The following EIF4G3 variants were observed in gnomAD, a reference collection of about 807,000 sequenced individuals.
The protein encoded by EIF4G3 is eIF-4-gamma 3.
In EIF4G3, 34 loss-of-function variants were observed where a neutral mutation model predicts 186.4. The observed-to-expected ratio is 0.18, with a 90% CI of 0.14 to 0.24. The LOEUF (loss-of-function observed/expected upper bound fraction) is 0.24. EIF4G3 is among the 10% of genes least tolerant of loss of function. The pLI is 1.00. For synonymous variants in EIF4G3, 673 were observed against 679.5 expected (o/e 0.99, Z 0.15); for missense variants, 1,536 against 1,948.5 (o/e 0.79, Z 3.99).
intron 12 of EIF4G3, among the ~76,000 whole-genome samples, chr1:20,961,258 C>T (rs376955371): frequency 6.6e-6 from 1 of 151,998 alleles, no homozygotes; most frequent in Non-Finnish European, 1.5e-5. Context: ...TGGTGCATGC[C>T]TGTAATCCCA....
intron 18 of EIF4G3, chr1:20,893,048 G>A (rs921596442): frequency 2.7e-5 from 7 of 257,584 alleles, no homozygotes; most frequent in African/African-American, 1.3e-4. Flanking sequence ...GCTGGGACTA[G>A]GACTATAAGC....
In EIF4G3 at chr1:21,126,218, T is replaced by C. The variant is rs190709853; in HGVS notation, c.-271-37005A>G. 2.7e-3 allele frequency among the ~76,000 whole-genome samples: 358 copies of C among 132,222 alleles called. 1 individual carries two copies. Among genetic ancestry groups the C allele is most frequent in the Non-Finnish European group, 4.8e-3 (296 of 61,664 alleles). 86.7% of individuals were successfully genotyped at this position (132,222 alleles called of 152,430 possible). A position where few individuals can be genotyped will look rare whatever the true frequency, so the allele number is the denominator to read the frequency against. On this transcript the variant is annotated intron_variant, in intron 2 of 36. Coordinates refer to ENST00000602326, the MANE Select transcript of EIF4G3 (RefSeq NM_001391906.1). The stretch of plus-strand genomic sequence containing the variant: ...TGAGACCCTGTCTCAAGAATGTATA[T>C]AAAAATTAAAATTAAAAAAAAAAAA...
chr1:21,158,150 CTCTT>C (rs2097695597), intron 2 of EIF4G3, among the ~76,000 whole-genome samples: 3 of 149,624 alleles, frequency 2.0e-5, no homozygotes, highest in East Asian at 2.0e-4. Flanking sequence ...CCTAAACTCT[CTCTT>C]TAACAAATAC....
At chr1:21,140,906 G>A (rs921180135) in intron 2 of EIF4G3, among the ~76,000 whole-genome samples, 8 of 151,972 alleles carry the variant, frequency 5.3e-5, no homozygotes, top group South Asian at 2.1e-4. Context: ...AAACATCTAA[G>A]GGAAAAATAA....
intron 7 of EIF4G3, among the ~76,000 whole-genome samples, chr1:20,992,282 T>A (rs1366004785): frequency 1.3e-5 from 2 of 152,232 alleles, no homozygotes; most frequent in African/African-American, 4.8e-5. Context: ...TTGTGCCAGG[T>A]CTGGCCCATT....
chr1:20,899,676 G>C, intron 16 of EIF4G3, 21 bp downstream of exon 16: 2 of 1,613,284 alleles, frequency 1.2e-6, no homozygotes. Context: ...GAGGTACATA[G>C]GAAGGCAGGT....
chr1:20,889,188 T>G (rs1422067849), intron 18 of EIF4G3, among the ~76,000 whole-genome samples: 1 of 152,228 alleles, frequency 6.6e-6, no homozygotes, highest in East Asian at 1.9e-4. Flanking sequence ...ATTCCTATCT[T>G]ATTCAGAGAC....
chr1:21,053,378 G>GC (rs1190463186), intron 3 of EIF4G3, among the ~76,000 whole-genome samples: 3 of 148,814 alleles, frequency 2.0e-5, no homozygotes, highest in Admixed American at 6.6e-5. Flanking sequence ...GTGGGGGTCA[G>GC]CCCCCCGCCC....
chr1:20,810,906 G>C lies in EIF4G3; in HGVS notation c.4598-22C>G, dbSNP rs750411634. 6.0e-5 allele frequency: 96 copies of C among 1,599,386 alleles called. No homozygotes were observed. The highest frequency in any genetic ancestry group is 7.8e-5 in the Non-Finnish European group (91 of 1,170,160). On this transcript the variant is annotated intron_variant, in intron 35 of 36. Transcript: ENST00000602326. This position sits in a 1 kb window ranked among gnomAD's most constrained non-coding sequence, Gnocchi z 4.1. ...TCGGCTAAAGGTGATAGAAGAACTA[G>C]GAATTACATTTAAGGAGTTAACATA... is the stretch of plus-strand genomic sequence containing the variant.
At chr1:20,976,655 G>A (rs888371720) in intron 10 of EIF4G3, among the ~76,000 whole-genome samples, 5 of 152,142 alleles carry the variant, frequency 3.3e-5, no homozygotes, top group African/African-American at 9.7e-5. Context: ...ATGGCAGGAA[G>A]AGTATCTTAA....
chr1:21,000,060 T>A (rs566023783), intron 6 of EIF4G3, among the ~76,000 whole-genome samples: 1 of 151,396 alleles, frequency 6.6e-6, no homozygotes, highest in East Asian at 2.0e-4. Context: ...GTTACGTTAC[T>A]ACAAAAGCCA....
chr1:20,853,250 C>T (rs745473680), intron 27 of EIF4G3, among the ~76,000 whole-genome samples: 1 of 152,050 alleles, frequency 6.6e-6, no homozygotes, highest in Non-Finnish European at 1.5e-5. Flanking sequence ...CTTTAATTCC[C>T]ATGGTTGAGA....
At chr1:20,851,835 T>A (rs1029469977) in intron 27 of EIF4G3, among the ~76,000 whole-genome samples, 1 of 151,976 alleles carries the variant, frequency 6.6e-6, no homozygotes, top group Non-Finnish European at 1.5e-5. Context: ...CTGGCCAACA[T>A]GGTGAAACTG....
At chr1:21,117,596 A>G (rs915411062) in intron 2 of EIF4G3, among the ~76,000 whole-genome samples, 1 of 151,936 alleles carries the variant, frequency 6.6e-6, no homozygotes, top group Non-Finnish European at 1.5e-5. Flanking sequence ...ATGAATAATA[A>G]GACTGAGGGA....
rs1032556376 is a variant in EIF4G3 at position 20,837,090 on chromosome 1, G to A, written c.4061+3766C>T. Among the ~76,000 whole-genome samples the A allele has an allele frequency of 4.6e-5, 7 of 152,344 alleles. No individual in the cohort carries two copies. In the South Asian group the frequency reaches 1.4e-3, roughly 32 times the overall value. On this transcript the variant is annotated intron_variant, in intron 30 of 36. Coordinates refer to ENST00000602326, the MANE Select transcript of EIF4G3 (RefSeq NM_001391906.1). ...AGGACCTAAAAGCTATATTCATAAA[G>A]CCTATTTGAAACTTTTGTCTATTTT...
chr1:21,044,637 GT>G (rs11334476), intron 4 of EIF4G3, among the ~76,000 whole-genome samples: 126,773 of 141,280 alleles, frequency 0.9, 58,287 homozygotes, highest in South Asian at 1. Flanking sequence ...AACTTCATTC[GT>G]TTTTTTTTTT....
At position 21,027,037 on chromosome 1, in the gene EIF4G3, C is replaced by T. The variant is rs557804692; in HGVS notation, c.-67+23829G>A. Among the ~76,000 whole-genome samples, 8 of 151,080 alleles carry T rather than the reference C, an allele frequency of 5.3e-5. No individual in the cohort carries two copies. In the South Asian group the frequency reaches 6.3e-4, roughly 12 times the overall value. ...CAGATTCAGAAATGGGCAAAGGACACGAATAGACATTTCTATTAAAAAGAC... is the reference window on the plus strand; with the variant it reads ...CAGATTCAGAAATGGGCAAAGGACATGAATAGACATTTCTATTAAAAAGAC... On this transcript the variant is annotated intron_variant, in intron 4 of 36. Transcript: ENST00000602326.
At chr1:20,845,523 A>T (rs562969747) in intron 29 of EIF4G3, among the ~76,000 whole-genome samples, 1 of 152,030 alleles carries the variant, frequency 6.6e-6, no homozygotes, top group Non-Finnish European at 1.5e-5. Flanking sequence ...TTAGCCGGGC[A>T]TGGTGGCGGG....
chr1:21,050,713 T>C (rs1009707109), intron 4 of EIF4G3, among the ~76,000 whole-genome samples, 153 bp downstream of exon 4: 3 of 152,238 alleles, frequency 2.0e-5, no homozygotes, highest in Admixed American at 2.0e-4. Context: ...TAGCCATCTT[T>C]ATGAACGGTT....
Sources: gnomAD v4.1 joint callset for allele counts (sites outside exome capture counted in the v4.1 genomes callset) on GRCh38, gnomAD v4.1.1 for gene constraint, Gnocchi (gnomAD v3.1) non-coding constraint, MANE v1.5 for transcripts, NCBI Gene and HGNC (gene_info 2026-07-23, HGNC 2026-07-21) for gene names.